Variants in MED12L observed in about 807,000 individuals in gnomAD.
MED12L encodes mediator complex subunit 12L.
Under a neutral mutation model 281.3 loss-of-function variants are expected in MED12L, and 60 were observed. The ratio of observed to expected loss-of-function variants is 0.21; its 90% CI spans 0.17 to 0.26. MED12L has a LOEUF of 0.26. Ranked by LOEUF, MED12L falls within the 10% of genes least tolerant of loss-of-function variation. MED12L has a pLI of 1.00. For missense variants in MED12L, 2,146 were observed against 2,680.9 expected (o/e 0.80, Z 4.41); for synonymous variants, 974 against 987.2 (o/e 0.99, Z 0.25).
At chr3:151,287,520 G>A (rs924978759) in intron 16 of MED12L, among the ~76,000 whole-genome samples, 1 of 152,152 alleles carries the variant, frequency 6.6e-6, no homozygotes, top group African/African-American at 2.4e-5. Context: ...GAGTTCAAGG[G>A]TAAGCGGCCT....
chr3:151,397,744 C>T (rs1715167384), intron 39 of MED12L, among the ~76,000 whole-genome samples: 1 of 152,210 alleles, frequency 6.6e-6, no homozygotes, highest in Non-Finnish European at 1.5e-5. Context: ...ATGAATTTCT[C>T]TAGCTACATA....
At chr3:151,226,950 A>G (rs949176980) in intron 16 of MED12L, among the ~76,000 whole-genome samples, 1 of 152,218 alleles carries the variant, frequency 6.6e-6, no homozygotes, top group African/African-American at 2.4e-5. Flanking sequence ...GATCTGCTGC[A>G]TGTGGTTTGG....
At chr3:151,326,535 A>G (rs567633607) in intron 16 of MED12L, 15 of 152,574 alleles carry the variant, frequency 9.8e-5, no homozygotes, top group African/African-American at 3.4e-4. Context: ...AGTGATGACA[A>G]CATAGGGTTT....
chr3:151,342,300 C>A (rs1751957155), intron 16 of MED12L, among the ~76,000 whole-genome samples: 1 of 152,248 alleles, frequency 6.6e-6, no homozygotes, highest in Admixed American at 6.5e-5. Context: ...GTGTCTCAAA[C>A]TGCAGTGTCC....
chr3:151,399,869 C>G (rs1486442648), intron 39 of MED12L, among the ~76,000 whole-genome samples: 1 of 151,316 alleles, frequency 6.6e-6, no homozygotes, highest in East Asian at 2.0e-4. Context: ...CTCTGTCGCC[C>G]AGGCTGGAGT....
chr3:151,213,576 T>C, intron 16 of MED12L: 1 of 1,614,142 alleles, frequency 6.2e-7, no homozygotes, highest in Non-Finnish European at 8.5e-7. Context: ...TATGGTAAGG[T>C]ACAAAACAGA....
intron 43 of MED12L, among the ~76,000 whole-genome samples, chr3:151,424,562 A>G (rs1344384626): frequency 6.6e-6 from 1 of 152,204 alleles, no homozygotes; most frequent in Non-Finnish European, 1.5e-5. Flanking sequence ...CGGAGCTTGC[A>G]GTGAGCCGAG....
intron 5 of MED12L, among the ~76,000 whole-genome samples, chr3:151,132,067 C>T (rs531755148): frequency 6.6e-6 from 1 of 152,184 alleles, no homozygotes; most frequent in South Asian, 2.1e-4. Flanking sequence ...ATATTAACTC[C>T]ATGAAGATCA....
intron 16 of MED12L, among the ~76,000 whole-genome samples, chr3:151,196,751 T>C (rs1355238347): frequency 6.6e-6 from 1 of 152,260 alleles, no homozygotes; most frequent in Non-Finnish European, 1.5e-5. Flanking sequence ...TATCTTGTTG[T>C]ATGTTTTGTA....
At chr3:151,110,934 C>T (rs1355493600) in intron 2 of MED12L, among the ~76,000 whole-genome samples, 6 of 152,128 alleles carry the variant, frequency 3.9e-5, no homozygotes, top group Non-Finnish European at 7.4e-5. Context: ...GGCATGGAAA[C>T]CCCGGTTTTC....
In MED12L at chr3:151,158,730, G is replaced by A. The variant is rs770779616; in HGVS notation, c.768G>A (p.Leu256=). Reference sequence around the variant, plus strand: ...AACACGAATATTTGACATGGATCCTGGATGTTTTAGAAAAGATCAGACCAA... The same window carrying A: ...AACACGAATATTTGACATGGATCCTAGATGTTTTAGAAAAGATCAGACCAA... ...LEKHEYLTWI[L]DVLEKIRPMD... The change falls in exon 7 of 45, where the codon CTG becomes CTA. Residue 256 remains leucine (L), a synonymous_variant. Coordinates refer to ENST00000687756, the MANE Select transcript of MED12L (RefSeq NM_001393769.1). 1.9e-6 allele frequency: 3 copies of A among 1,612,792 alleles called. No individual in the cohort carries two copies. Among genetic ancestry groups the A allele is most frequent in the Non-Finnish European group, 8.5e-7 (1 of 1,179,294 alleles).
At chr3:151,091,429 A>G (rs895815944) in intron 2 of MED12L, among the ~76,000 whole-genome samples, 3 of 152,218 alleles carry the variant, frequency 2.0e-5, no homozygotes, top group Non-Finnish European at 4.4e-5. Context: ...CACTGGTGAC[A>G]AGATCCCAGG....
At chr3:151,345,729 G>C (rs1752459711) in intron 16 of MED12L, among the ~76,000 whole-genome samples, 1 of 151,846 alleles carries the variant, frequency 6.6e-6, no homozygotes, top group Admixed American at 6.6e-5. Flanking sequence ...TGTTGGCCAG[G>C]CTGGTCTCGA....
intron 2 of MED12L, among the ~76,000 whole-genome samples, chr3:151,088,659 T>A: frequency 6.6e-6 from 1 of 152,088 alleles, no homozygotes; most frequent in Non-Finnish European, 1.5e-5. Context: ...GAAAGAGTAA[T>A]TTTGGATTTC....
chr3:151,406,357 T>C (rs1384781860), intron 39 of MED12L, among the ~76,000 whole-genome samples: 1 of 152,262 alleles, frequency 6.6e-6, no homozygotes, highest in Non-Finnish European at 1.5e-5. Flanking sequence ...AAATAATGTG[T>C]TCCTGACATT....
chr3:151,128,064 C>G (rs1714796541), intron 5 of MED12L, 80 bp downstream of exon 5: 4 of 1,256,418 alleles, frequency 3.2e-6, no homozygotes, highest in African/African-American at 1.5e-5. Context: ...CTGGATACAG[C>G]CCAGCATGGT....
intron 16 of MED12L, among the ~76,000 whole-genome samples, chr3:151,325,587 C>G (rs896793792): frequency 3.3e-5 from 5 of 152,102 alleles, no homozygotes; most frequent in African/African-American, 1.2e-4. Flanking sequence ...TAAGATCTCT[C>G]TACTATGCCT....
In MED12L at chr3:151,434,404, CTG is replaced by C. The variant is rs891348678; in HGVS notation, c.*1603_*1604del. 6.6e-6 allele frequency: 1 copy of C among 152,208 alleles called. No homozygotes were observed. Among genetic ancestry groups the C allele is most frequent in the Non-Finnish European group, 1.5e-5 (1 of 68,026 alleles). The allele number at this position is 152,208 out of a possible 1,614,324, so 9.4% of individuals were successfully genotyped here. On this transcript the variant is annotated 3_prime_UTR_variant, in exon 45 of 45. Transcript: ENST00000687756. ...ACATCCATGTGAACTGCTTTGTACACTGTGAAAATATTTCACTCCAGCCTGCC... is the reference window on the plus strand; with the variant it reads ...ACATCCATGTGAACTGCTTTGTACACTGAAAATATTTCACTCCAGCCTGCC...
At chr3:151,220,764 A>C (rs1729182664) in intron 16 of MED12L, among the ~76,000 whole-genome samples, 1 of 152,198 alleles carries the variant, frequency 6.6e-6, no homozygotes, top group African/African-American at 2.4e-5. Context: ...TTCTTTTGTA[A>C]ACTGTCCTGT....
Sources: allele counts gnomAD v4.1 joint callset (sites outside exome capture counted in the v4.1 genomes callset), GRCh38; gene constraint gnomAD v4.1.1; transcripts MANE v1.5; gene names NCBI Gene and HGNC (gene_info 2026-07-23, HGNC 2026-07-21).